Variants in KRTAP22-1 observed in about 807,000 individuals in gnomAD.
KRTAP22-1 encodes the protein keratin-associated protein 22-1.
For missense variants in KRTAP22-1, 48 were observed against 56.7 expected, an observed-to-expected ratio of 0.85 and a Z score of 0.49; for synonymous variants, 19 against 21.5, an observed-to-expected ratio of 0.88 and a Z score of 0.33.
Position 30,601,185 on chromosome 21 carries a change from ATGGCTG to A in KRTAP22-1, c.69_74del (p.Cys24_Gly25del). 1.2e-6 allele frequency: 2 copies of A among 1,614,082 alleles called. No homozygotes were observed. The highest frequency in any genetic ancestry group is 2.7e-5 in the African/African-American group (2 of 75,066). ...GCCAAAGGAGGCCTGGGCTGCAGCT[ATGGCTG>A]TGGTCTTAGCGGCTATGGCTATGCC... On this transcript the variant is annotated inframe_deletion, in exon 1 of 1. Coordinates refer to ENST00000334680, the MANE Select transcript of KRTAP22-1 (RefSeq NM_181620.2).
rs1980332381 is a variant in KRTAP22-1, at chr21:30,601,111, T to C, written c.-10T>C. On this transcript the variant is annotated 5_prime_UTR_variant, in exon 1 of 1. Coordinates refer to ENST00000334680, the MANE Select transcript of KRTAP22-1 (RefSeq NM_181620.2). ...CCTGCTATACAACTGAGCCTACCTT[T>C]CTTGAAACCATGAGCTTTGATAACA... 1 of 1,614,116 alleles carries C rather than the reference T, an allele frequency of 6.2e-7. No homozygotes were observed.
rs547218477 is a variant in KRTAP22-1, at chr21:30,601,379, T to A, written c.*112T>A. On this transcript the variant is annotated 3_prime_UTR_variant, in exon 1 of 1. Coordinates refer to ENST00000334680, the MANE Select transcript of KRTAP22-1 (RefSeq NM_181620.2). The stretch of plus-strand genomic sequence containing the variant: ...CTAAAATTTAGCCCACATTGCCAAG[T>A]CAGAATTTATTTGATCAATTAGCTG... 2.9e-5 allele frequency: 32 copies of A among 1,103,528 alleles called. No homozygotes were observed. Among genetic ancestry groups the A allele is most frequent in the South Asian group, 1.2e-4 (7 of 59,772 alleles). 68.4% of individuals were successfully genotyped at this position (1,103,528 alleles called of 1,614,324 possible).
Position 30,601,334 on chromosome 21 carries a change from T to TATAATAATGATG in KRTAP22-1, c.*67_*68insATAATAATGATG. ...AGCTATGTTTTCTTCCCGTGTTTTT[T>TATAATAATGATG]TCTGTTCAAAGAGTGACAACTAAAA... On this transcript the variant is annotated 3_prime_UTR_variant, in exon 1 of 1. Transcript: ENST00000334680. 9 of 1,511,328 alleles carry TATAATAATGATG rather than the reference T, an allele frequency of 6.0e-6. No homozygotes were observed. The highest frequency in any genetic ancestry group is 5.1e-5 in the South Asian group (4 of 78,784). 93.6% of individuals were successfully genotyped at this position (1,511,328 alleles called of 1,614,324 possible). A position where few individuals can be genotyped will look rare whatever the true frequency, so the allele number is the denominator to read the frequency against.
In KRTAP22-1 at chr21:30,601,313, A is replaced by T. The variant is rs1413615495; in HGVS notation, c.*46A>T. The T allele has an allele frequency of 2.6e-6, 4 of 1,564,094 alleles. No individual in the cohort carries two copies. The East Asian group carries it at 9.1e-5, about 36-fold the overall frequency. ...TGTTTAGGCCATTCTCTTATGAGCT[A>T]TGTTTTCTTCCCGTGTTTTTTTCTG... On this transcript the variant is annotated 3_prime_UTR_variant, in exon 1 of 1. Coordinates refer to ENST00000334680, the MANE Select transcript of KRTAP22-1 (RefSeq NM_181620.2).
chr21:30,601,185 A>G lies in KRTAP22-1; in HGVS notation c.65A>G (p.Tyr22Cys), dbSNP rs1339979662. The G allele has an allele frequency of 3.1e-6, 5 of 1,614,082 alleles. No individual in the cohort carries two copies. The highest frequency in any genetic ancestry group is 3.3e-5 in the Admixed American group (2 of 60,020). ...GCCAAAGGAGGCCTGGGCTGCAGCT[A>G]TGGCTGTGGTCTTAGCGGCTATGGC... is the stretch of plus-strand genomic sequence containing the variant. ...GYAKGGLGCS[Y>C]GCGLSGYGYA... Residue 22 changes from tyrosine (Y) to cysteine (C), a missense_variant, in exon 1 of 1, where the codon TAT becomes TGT. By Grantham distance (194) the Tyr-to-Cys change is radical. Coordinates refer to ENST00000334680, the MANE Select transcript of KRTAP22-1 (RefSeq NM_181620.2).
At position 30,601,331 on chromosome 21, in the gene KRTAP22-1, T is replaced by A. The variant is rs201435027; in HGVS notation, c.*64T>A. 82 of 1,259,164 alleles carry A rather than the reference T, an allele frequency of 6.5e-5. No homozygotes were observed. Among genetic ancestry groups the A allele is most frequent in the Middle Eastern group, 2.1e-4 (1 of 4,732 alleles). 78.0% of individuals were successfully genotyped at this position (1,259,164 alleles called of 1,614,324 possible). A position where few individuals can be genotyped will look rare whatever the true frequency, so the allele number is the denominator to read the frequency against. On this transcript the variant is annotated 3_prime_UTR_variant, in exon 1 of 1. Transcript: ENST00000334680. ...ATGAGCTATGTTTTCTTCCCGTGTTTTTTTCTGTTCAAAGAGTGACAACTA... is the reference window on the plus strand; with the variant it reads ...ATGAGCTATGTTTTCTTCCCGTGTTATTTTCTGTTCAAAGAGTGACAACTA...
Position 30,601,155 on chromosome 21 carries a change from G to A in KRTAP22-1, c.35G>A (p.Gly12Asp), listed in dbSNP as rs754504713. ...SFDNNYHGGQ[G>D]YAKGGLGCSY... is the part of the protein sequence containing the mutation. ...GATAACAACTACCATGGTGGCCAGG[G>A]CTATGCCAAAGGAGGCCTGGGCTGC... Residue 12 changes from glycine to aspartate, a missense_variant, in exon 1 of 1, where the codon GGC becomes GAC. Transcript: ENST00000334680. 4 of 1,614,060 alleles carry A rather than the reference G, an allele frequency of 2.5e-6. No homozygotes were observed. Among genetic ancestry groups the A allele is most frequent in the African/African-American group, 2.7e-5 (2 of 74,928 alleles).
rs764227488 is a variant in KRTAP22-1, at chr21:30,601,106, A to C, written c.-15A>C. ...CTGATCCTGCTATACAACTGAGCCTACCTTTCTTGAAACCATGAGCTTTGA... is the reference window on the plus strand; with the variant it reads ...CTGATCCTGCTATACAACTGAGCCTCCCTTTCTTGAAACCATGAGCTTTGA... On this transcript the variant is annotated 5_prime_UTR_variant, in exon 1 of 1. Coordinates refer to ENST00000334680, the MANE Select transcript of KRTAP22-1 (RefSeq NM_181620.2). 1 of 1,614,028 alleles carries C rather than the reference A, an allele frequency of 6.2e-7. No individual in the cohort carries two copies. The highest frequency in any genetic ancestry group is 8.5e-7 in the Non-Finnish European group (1 of 1,179,878).
At position 30,601,354 on chromosome 21, in the gene KRTAP22-1, C is replaced by T; in HGVS notation, c.*87C>T. 1 of 1,410,556 alleles carries T rather than the reference C, an allele frequency of 7.1e-7. No individual in the cohort carries two copies. Among genetic ancestry groups the T allele is most frequent in the Non-Finnish European group, 9.6e-7 (1 of 1,039,714 alleles). 87.4% of individuals were successfully genotyped at this position (1,410,556 alleles called of 1,614,324 possible). On this transcript the variant is annotated 3_prime_UTR_variant, in exon 1 of 1. Coordinates refer to ENST00000334680, the MANE Select transcript of KRTAP22-1 (RefSeq NM_181620.2). ...TTTTTTTCTGTTCAAAGAGTGACAACTAAAATTTAGCCCACATTGCCAAGT... is the reference window on the plus strand; with the variant it reads ...TTTTTTTCTGTTCAAAGAGTGACAATTAAAATTTAGCCCACATTGCCAAGT...
chr21:30,601,223 T>C lies in KRTAP22-1; in HGVS notation c.103T>C (p.Cys35Arg). The C allele has an allele frequency of 1.2e-6, 2 of 1,614,186 alleles. No individual in the cohort carries two copies. Among genetic ancestry groups the C allele is most frequent in the Non-Finnish European group, 1.7e-6 (2 of 1,180,008 alleles). Residue 35 changes from cysteine (C) to arginine (R), a missense_variant, in exon 1 of 1, where the codon TGC becomes CGC. Coordinates refer to ENST00000334680, the MANE Select transcript of KRTAP22-1 (RefSeq NM_181620.2). ...TAGCGGCTATGGCTATGCCTGCTAC[T>C]GCCCATGGTGTTATGAAAGATCTTG... ...GLSGYGYACY[C>R]PWCYERSWFS...
In KRTAP22-1 at chr21:30,601,262, T is replaced by G. The variant is rs1362476583; in HGVS notation, c.142T>G (p.Phe48Val). The G allele has an allele frequency of 6.2e-7, 1 of 1,613,978 alleles. No homozygotes were observed. Among genetic ancestry groups the G allele is most frequent in the East Asian group, 2.2e-5 (1 of 44,870 alleles). Reference protein sequence around the residue: ...CYERSWFSGCF With the variant: ...CYERSWFSGCV ...TGAAAGATCTTGGTTTTCTGGCTGC[T>G]TCTGAGAAATTAGAGATTGCTGATC... Residue 48 changes from phenylalanine (F) to valine (V), a missense_variant, in exon 1 of 1, where the codon TTC (phenylalanine) becomes GTC (valine). Transcript: ENST00000334680.
In KRTAP22-1 at chr21:30,601,226, C is replaced by T. The variant is rs761789279; in HGVS notation, c.106C>T (p.Pro36Ser). ...LSGYGYACYC[P>S]WCYERSWFSG... Reference sequence around the variant, plus strand: ...CGGCTATGGCTATGCCTGCTACTGCCCATGGTGTTATGAAAGATCTTGGTT... The same window carrying T: ...CGGCTATGGCTATGCCTGCTACTGCTCATGGTGTTATGAAAGATCTTGGTT... The change falls in exon 1 of 1, where the codon CCA (proline) becomes TCA (serine). Residue 36 changes from proline (P) to serine (S), a missense_variant. By Grantham distance (74) the Pro-to-Ser change is moderately conservative (BLOSUM62 -1). Transcript: ENST00000334680. 2.5e-6 allele frequency: 4 copies of T among 1,613,980 alleles called. No homozygotes were observed. The African/African-American group carries it at 5.3e-5, about 22-fold the overall frequency.
In KRTAP22-1 at chr21:30,601,305, T is replaced by C; in HGVS notation, c.*38T>C. 1 of 1,322,344 alleles carries C rather than the reference T, an allele frequency of 7.6e-7. No homozygotes were observed. Among genetic ancestry groups the C allele is most frequent in the Non-Finnish European group, 1.1e-6 (1 of 941,164 alleles). 81.9% of individuals were successfully genotyped at this position (1,322,344 alleles called of 1,614,324 possible). A position where few individuals can be genotyped will look rare whatever the true frequency, so the allele number is the denominator to read the frequency against. On this transcript the variant is annotated 3_prime_UTR_variant, in exon 1 of 1. Transcript: ENST00000334680. ...TGCTGATCTGTTTAGGCCATTCTCT[T>C]ATGAGCTATGTTTTCTTCCCGTGTT... is the stretch of plus-strand genomic sequence containing the variant.
Position 30,601,181 on chromosome 21 carries a change from AGCTATGGCTGTGGTCTTAGCG to A in KRTAP22-1, c.71_91del (p.Cys24_Gly30del). ...CTATGCCAAAGGAGGCCTGGGCTGC[AGCTATGGCTGTGGTCTTAGCG>A]GCTATGGCTATGCCTGCTACTGCCC... On this transcript the variant is annotated inframe_deletion, in exon 1 of 1. Transcript: ENST00000334680. 1.2e-6 allele frequency: 2 copies of A among 1,614,026 alleles called. No homozygotes were observed. Among genetic ancestry groups the A allele is most frequent in the Non-Finnish European group, 1.7e-6 (2 of 1,179,842 alleles).
At position 30,601,112 on chromosome 21, in the gene KRTAP22-1, C is replaced by G; in HGVS notation, c.-9C>G. On this transcript the variant is annotated 5_prime_UTR_variant, in exon 1 of 1. Coordinates refer to ENST00000334680, the MANE Select transcript of KRTAP22-1 (RefSeq NM_181620.2). ...CTGCTATACAACTGAGCCTACCTTT[C>G]TTGAAACCATGAGCTTTGATAACAA... 4 of 1,614,122 alleles carry G rather than the reference C, an allele frequency of 2.5e-6. No homozygotes were observed. The highest frequency in any genetic ancestry group is 3.4e-6 in the Non-Finnish European group (4 of 1,179,978).
Position 30,601,138 on chromosome 21 carries a change from C to G in KRTAP22-1, c.18C>G (p.Asn6Lys). 1 of 1,614,230 alleles carries G rather than the reference C, an allele frequency of 6.2e-7. No homozygotes were observed. The highest frequency in any genetic ancestry group is 1.1e-5 in the South Asian group (1 of 91,086). Reference protein sequence around the residue: MSFDNNYHGGQGYAKG... With the variant: MSFDNKYHGGQGYAKG... ...TTGAAACCATGAGCTTTGATAACAA[C>G]TACCATGGTGGCCAGGGCTATGCCA... Residue 6 changes from asparagine (N) to lysine (K), a missense_variant, in exon 1 of 1, where the codon AAC becomes AAG. Transcript: ENST00000334680.
In KRTAP22-1 at chr21:30,601,233, G is replaced by T. The variant is rs750581667; in HGVS notation, c.113G>T (p.Cys38Phe). 6.2e-7 allele frequency: 1 copy of T among 1,614,102 alleles called. No homozygotes were observed. The highest frequency in any genetic ancestry group is 8.5e-7 in the Non-Finnish European group (1 of 1,179,972). ...GYGYACYCPW[C>F]YERSWFSGCF Reference sequence around the variant, plus strand: ...GGCTATGCCTGCTACTGCCCATGGTGTTATGAAAGATCTTGGTTTTCTGGC... The same window carrying T: ...GGCTATGCCTGCTACTGCCCATGGTTTTATGAAAGATCTTGGTTTTCTGGC... Residue 38 changes from cysteine to phenylalanine, a missense_variant, in exon 1 of 1, where the codon TGT becomes TTT. Physicochemically the swap from Cys to Phe is radical, Grantham distance 205. Coordinates refer to ENST00000334680, the MANE Select transcript of KRTAP22-1 (RefSeq NM_181620.2).
rs372733050 is a variant in KRTAP22-1, at chr21:30,601,267, A to G, written c.147A>G (p.Ter49TrpextTer6). 117 of 1,613,752 alleles carry G rather than the reference A, an allele frequency of 7.3e-5. No homozygotes were observed. Among genetic ancestry groups the G allele is most frequent in the Non-Finnish European group, 9.7e-5 (114 of 1,179,826 alleles). ...GATCTTGGTTTTCTGGCTGCTTCTGAGAAATTAGAGATTGCTGATCTGTTT... is the reference window on the plus strand; with the variant it reads ...GATCTTGGTTTTCTGGCTGCTTCTGGGAAATTAGAGATTGCTGATCTGTTT... ...YERSWFSGCF[*>W] is the part of the protein sequence containing the mutation. The change falls in exon 1 of 1, where the codon TGA (stop) becomes TGG (tryptophan). Residue 49 changes from the stop codon to tryptophan (W), a stop_lost. Transcript: ENST00000334680.
Position 30,601,213 on chromosome 21 carries a change from T to C in KRTAP22-1, c.93T>C (p.Tyr31=). ...GCTGTGGTCTTAGCGGCTATGGCTA[T>C]GCCTGCTACTGCCCATGGTGTTATG... is the stretch of plus-strand genomic sequence containing the variant. ...SYGCGLSGYG[Y]ACYCPWCYER... is the part of the protein sequence containing the mutation. Residue 31 remains tyrosine (Y), a synonymous_variant, in exon 1 of 1, where the codon TAT becomes TAC. Transcript: ENST00000334680. The C allele has an allele frequency of 6.2e-7, 1 of 1,614,194 alleles. No homozygotes were observed. The highest frequency in any genetic ancestry group is 2.2e-5 in the East Asian group (1 of 44,884).
Sources: gnomAD v4.1 joint callset for allele counts on GRCh38, gnomAD v4.1.1 for gene constraint, MANE v1.5 for transcripts, NCBI Gene and HGNC (gene_info 2026-07-23, HGNC 2026-07-21) for gene names.